Variants in SH3TC1 observed in about 807,000 individuals in gnomAD.
SH3TC1 encodes SH3 domain and tetratricopeptide repeats 1, also known as SH3 domain and tetratricopeptide repeat-containing protein 1.
SH3TC1 carries 135 observed loss-of-function variants against 117.3 expected under a neutral mutation model. The observed-to-expected ratio is 1.15, with a 90% CI of 1.00 to 1.33. SH3TC1 has a LOEUF of 1.33. SH3TC1 is among the 40% of genes most tolerant of loss of function. The probability of loss-of-function intolerance (pLI) is 0.00; values close to 1 mark genes in which losing one functional copy is unlikely to be tolerated. For missense variants in SH3TC1, 2,092 were observed against 1,794.3 expected (o/e 1.17, Z -3.00); for synonymous variants, 898 against 816.9 (o/e 1.10, Z -1.69).
chr4:8,187,554 C>CTT (rs764585932), intron 1 of SH3TC1, among the ~76,000 whole-genome samples: 2 of 139,962 alleles, frequency 1.4e-5, no homozygotes, highest in Non-Finnish European at 1.6e-5. Flanking sequence ...CTTTTCTTTT[C>CTT]TTTTTTTTTT....
rs998249425 is a variant in SH3TC1, at chr4:8,190,578, G to C, written c.-57+8368G>C. 6.6e-6 allele frequency among the ~76,000 whole-genome samples: 1 copy of C among 152,022 alleles called. No homozygotes were observed. Among genetic ancestry groups the C allele is most frequent in the East Asian group, 1.9e-4 (1 of 5,174 alleles). On this transcript the variant is annotated intron_variant, in intron 1 of 16. Transcript: ENST00000508641. The surrounding 1 kb of genome is among the most constrained non-coding windows in gnomAD (Gnocchi z 4.7). ...GACCTTCTCCTCTGTGCACTCTCTC[G>C]GTCACCCACACCCCACCAGCCGGCT...
At chr4:8,233,014 C>T (rs912041988) in intron 13 of SH3TC1, 82 of 1,201,170 alleles carry the variant, frequency 6.8e-5, no homozygotes, top group African/African-American at 5.5e-4. Flanking sequence ...GTGATGCCTG[C>T]GCACCTTGAG....
intron 17 of SH3TC1, 44 bp downstream of exon 17, chr4:8,237,714 G>A (rs945192876): frequency 1.9e-6 from 3 of 1,541,776 alleles, no homozygotes; most frequent in African/African-American, 2.7e-5. Flanking sequence ...CGGCCCCCTT[G>A]GAGTGGGATC....
intron 1 of SH3TC1, chr4:8,201,543 G>A (rs1263014223): frequency 6.6e-6 from 1 of 152,534 alleles, no homozygotes; most frequent in Non-Finnish European, 1.5e-5. Flanking sequence ...TGGTCCCCCA[G>A]CTGGGTGAGC....
upstream of SH3TC1, among the ~76,000 whole-genome samples, chr4:8,196,086 C>A (rs529773220): frequency 6.6e-6 from 1 of 152,354 alleles, no homozygotes; most frequent in African/African-American, 2.4e-5. This position sits in a 1 kb window ranked among gnomAD's most constrained non-coding sequence, Gnocchi z 4.6. Flanking sequence ...GGAGAGGACC[C>A]GGCACGGGCA....
At chr4:8,235,295 T>G in intron 14 of SH3TC1, 138 bp from the exon 15 acceptor site, 3 of 1,091,594 alleles carry the variant, frequency 2.7e-6, no homozygotes, top group Non-Finnish European at 2.4e-6. Context: ...GGGGCGGCCC[T>G]AATGCACAGG....
In SH3TC1 at chr4:8,228,304, C is replaced by T. The variant is rs1298393144; in HGVS notation, c.2610C>T (p.Ala870=). ...AGGGCGTGATTGCCAACATGGTGGCCGTGGCTCTGAAGAGGACGGGCCGGA... is the reference window on the plus strand; with the variant it reads ...AGGGCGTGATTGCCAACATGGTGGCTGTGGCTCTGAAGAGGACGGGCCGGA... The part of the protein sequence containing the change: ...DQEGVIANMV[A]VALKRTGRTR... Residue 870 remains alanine, a synonymous_variant, in exon 12 of 18, where the codon GCC becomes GCT. Transcript: ENST00000245105. 1.3e-5 allele frequency: 21 copies of T among 1,612,076 alleles called. No homozygotes were observed. The highest frequency in any genetic ancestry group is 9.9e-5 in the South Asian group (9 of 91,064).
intron 1 of SH3TC1, among the ~76,000 whole-genome samples, chr4:8,188,924 C>G (rs1327377628): frequency 6.6e-6 from 1 of 152,240 alleles, no homozygotes; most frequent in Admixed American, 6.5e-5. Context: ...GTAGCCAGAT[C>G]CTGCCGGGCA....
rs563707663 is a variant in SH3TC1, at chr4:8,238,386, G to A, written c.3753+716G>A. Among the ~76,000 whole-genome samples the A allele has an allele frequency of 2.4e-4, 37 of 152,314 alleles. No individual in the cohort carries two copies. The South Asian group carries it at 3.3e-3, about 14-fold the overall frequency. Reference sequence around the variant, plus strand: ...CCTGCAGGGGTGGAGAACTGGGACCGGCAGACTCGGATCTGGGATGTCCCC... The same window carrying A: ...CCTGCAGGGGTGGAGAACTGGGACCAGCAGACTCGGATCTGGGATGTCCCC... On this transcript the variant is annotated intron_variant, in intron 17 of 17. Coordinates refer to ENST00000245105, the MANE Select transcript of SH3TC1 (RefSeq NM_018986.5).
Position 8,228,241 on chromosome 4 carries a change from G to A in SH3TC1, c.2547G>A (p.Gln849=), listed in dbSNP as rs1006329021. The change falls in exon 12 of 18, where the codon CAG becomes CAA. Residue 849 remains glutamine, a synonymous_variant. Coordinates refer to ENST00000245105, the MANE Select transcript of SH3TC1 (RefSeq NM_018986.5). The part of the protein sequence containing the change: ...GQSPVALDIL[Q]SVRDAVVASE... The stretch of plus-strand genomic sequence containing the variant: ...GCCCGGTGGCCCTGGACATCCTGCA[G>A]TCTGTCCGGGATGCAGTGGTGGCCA... 3.1e-6 allele frequency: 5 copies of A among 1,610,250 alleles called. No homozygotes were observed. The Admixed American group carries it at 6.7e-5, about 22-fold the overall frequency.
At chr4:8,212,623 T>C (rs756659895) in intron 3 of SH3TC1, 78 bp from the exon 4 acceptor site, 4 of 1,593,252 alleles carry the variant, frequency 2.5e-6, no homozygotes, top group Non-Finnish European at 3.4e-6. Flanking sequence ...GGTTGGAGGC[T>C]GGCAGGTGGA....
At chr4:8,232,336 C>T (rs1578739842) in intron 13 of SH3TC1, 180 bp downstream of exon 13, 16 of 1,537,420 alleles carry the variant, frequency 1.0e-5, no homozygotes, top group Middle Eastern at 1.7e-4. Context: ...GCTGATGACC[C>T]GTGAGTCCCA....
chr4:8,202,825 G>C (rs538051971), intron 1 of SH3TC1, among the ~76,000 whole-genome samples: 1 of 152,360 alleles, frequency 6.6e-6, no homozygotes, highest in East Asian at 1.9e-4. Flanking sequence ...TCACTATTCT[G>C]TCGAAATTCC....
chr4:8,184,786 G>A (rs949428759), intron 1 of SH3TC1, among the ~76,000 whole-genome samples: 2 of 152,034 alleles, frequency 1.3e-5, no homozygotes, highest in East Asian at 1.9e-4. Context: ...TGAGATTGTC[G>A]TATACATTTG....
chr4:8,222,985 T>G lies in SH3TC1; in HGVS notation c.1243+15T>G. Reference sequence around the variant, plus strand: ...GTACAGCCTGGGTGCGTGTGGGCGATGCCTGTGGTGGGGCCACTGCCCTCC... The same window carrying G: ...GTACAGCCTGGGTGCGTGTGGGCGAGGCCTGTGGTGGGGCCACTGCCCTCC... On this transcript the variant is annotated intron_variant, in intron 10 of 17. Coordinates refer to ENST00000245105, the MANE Select transcript of SH3TC1 (RefSeq NM_018986.5). 6.2e-7 allele frequency: 1 copy of G among 1,603,118 alleles called. No homozygotes were observed.
chr4:8,236,205 G>A (rs756176503), intron 15 of SH3TC1, 73 bp from the exon 16 acceptor site: 10 of 1,460,428 alleles, frequency 6.8e-6, no homozygotes, highest in Non-Finnish European at 8.2e-6. Flanking sequence ...CCGAGCACAT[G>A]TTTGAGCTCT....
chr4:8,214,580 G>A lies in SH3TC1; in HGVS notation c.481G>A (p.Gly161Ser), dbSNP rs143652307. 6.8e-6 allele frequency: 11 copies of A among 1,613,164 alleles called. No homozygotes were observed. Among genetic ancestry groups the A allele is most frequent in the Non-Finnish European group, 9.3e-6 (11 of 1,179,562 alleles). The part of the protein sequence containing the change: ...IWKFSTYHAL[G>S]FTHHCLANLL... ...GAAGTTTTCCACCTACCATGCTCTCGGTAAAGAGGTGACCCTCCCAGAATT... is the reference window on the plus strand; with the variant it reads ...GAAGTTTTCCACCTACCATGCTCTCAGTAAAGAGGTGACCCTCCCAGAATT... Residue 161 changes from glycine to serine, a missense_variant and splice_region_variant, in exon 5 of 18, where the codon GGC becomes AGC. Gly to Ser is a moderately conservative substitution (Grantham distance 56). Transcript: ENST00000245105.
At chr4:8,203,632 G>A (rs1717981956) in intron 1 of SH3TC1, among the ~76,000 whole-genome samples, 1 of 152,056 alleles carries the variant, frequency 6.6e-6, no homozygotes, top group South Asian at 2.1e-4. Flanking sequence ...GAAGAAATAA[G>A]CCCAGCATCT....
chr4:8,195,976 A>G (rs1337307655), upstream of SH3TC1, among the ~76,000 whole-genome samples: 1 of 152,216 alleles, frequency 6.6e-6, no homozygotes, highest in African/African-American at 2.4e-5. Context: ...TGACGAGGCC[A>G]GGGCACTGGT....
Sources: gnomAD v4.1 joint callset for allele counts (sites outside exome capture counted in the v4.1 genomes callset) on GRCh38, gnomAD v4.1.1 for gene constraint, Gnocchi (gnomAD v3.1) non-coding constraint, MANE v1.5 for transcripts, NCBI Gene and HGNC (gene_info 2026-07-23, HGNC 2026-07-21) for gene names.